DHX8: variants seen among roughly 807,000 people sequenced by gnomAD.
DHX8 encodes ATP-dependent RNA helicase DHX8.
Under a neutral mutation model 140.7 loss-of-function variants are expected in DHX8, and 67 were observed. That is an observed-to-expected ratio of 0.48 (90% CI 0.39 to 0.58). DHX8 has a LOEUF of 0.58. Among genes scored for constraint, DHX8 ranks in the 20% least tolerant of loss-of-function variants. The pLI is 0.00. For missense variants in DHX8, 887 were observed against 1,550.7 expected, an observed-to-expected ratio of 0.57 and a Z score of 7.19; for synonymous variants, 533 against 553.2, an observed-to-expected ratio of 0.96 and a Z score of 0.51.
intron 10 of DHX8, 147 bp from the exon 11 acceptor site, chr17:43,499,807 ACG>A: frequency 1.2e-6 from 1 of 846,022 alleles, no homozygotes; most frequent in Non-Finnish European, 1.9e-6. Context: ...TGAATATGCT[ACG>A]GTTTATCCAT....
chr17:43,520,964 CTTTTTTTT>C (rs10672223), intron 20 of DHX8, 85 bp downstream of exon 20: 25 of 398,976 alleles, frequency 6.3e-5, no homozygotes, highest in African/African-American at 5.3e-4. Context: ...TTGATGTGGA[CTTTTTTTT>C]TTTTTTTTTT....
chr17:43,526,357 T>C (rs1414178003), downstream of DHX8: 90 of 1,469,136 alleles, frequency 6.1e-5, no homozygotes, highest in Non-Finnish European at 7.3e-5. Flanking sequence ...TCTGCACACA[T>C]GCTGAGTGTG....
chr17:43,530,098 C>T (rs1256985627), downstream of DHX8: 1 of 1,600,046 alleles, frequency 6.2e-7, no homozygotes, highest in South Asian at 1.1e-5. Context: ...GGAAGGGGGG[C>T]TGCCTTACCC....
At chr17:43,532,654 G>A in intron 2 of DHX8, 1 of 1,602,252 alleles carries the variant, frequency 6.2e-7, no homozygotes, top group African/African-American at 1.3e-5. Flanking sequence ...ATGCCACCCT[G>A]CCCCACCCCA....
intron 3 of DHX8, among the ~76,000 whole-genome samples, chr17:43,541,229 A>G (rs1971503646): frequency 6.6e-6 from 1 of 152,230 alleles, no homozygotes; most frequent in African/African-American, 2.4e-5. Context: ...TCAGTCATCC[A>G]GAGACTGTCA....
intron 16 of DHX8, among the ~76,000 whole-genome samples, chr17:43,511,817 C>T (rs1314645353): frequency 7.4e-6 from 1 of 134,548 alleles, no homozygotes; most frequent in Non-Finnish European, 1.5e-5. Flanking sequence ...AGTTCAAGAT[C>T]AGCCTGGGCA....
At chr17:43,505,805 T>C (rs888521249) in intron 12 of DHX8, among the ~76,000 whole-genome samples, 6 of 152,098 alleles carry the variant, frequency 3.9e-5, no homozygotes, top group African/African-American at 1.4e-4. Context: ...CCACCGAGTC[T>C]TCCTTGAGGT....
chr17:43,494,339 C>T (rs189318015), intron 8 of DHX8, among the ~76,000 whole-genome samples: 9 of 152,214 alleles, frequency 5.9e-5, no homozygotes, highest in South Asian at 2.1e-4. Flanking sequence ...ACTTATTAGC[C>T]GTGTAATCCT....
intron 3 of DHX8, 85 bp from the exon 4 acceptor site, chr17:43,491,080 A>T: frequency 1.9e-6 from 1 of 536,270 alleles, no homozygotes. Flanking sequence ...ATACAAATCT[A>T]TTGTTGAAGT....
Position 43,517,204 on chromosome 17 carries a change from C to G in DHX8, c.2681C>G (p.Thr894Arg). The change falls in exon 18 of 23, where the codon ACA becomes AGA. Residue 894 changes from threonine to arginine, a missense_variant. Thr to Arg is a moderately conservative substitution (Grantham distance 71, BLOSUM62 -1). Coordinates refer to ENST00000262415, the MANE Select transcript of DHX8 (RefSeq NM_004941.3). ...CAACGAGCTGGCAGAGCTGGGAGAACAGGCCCAGGGAAGTGTTACAGGTTG... is the reference window on the plus strand; with the variant it reads ...CAACGAGCTGGCAGAGCTGGGAGAAGAGGCCCAGGGAAGTGTTACAGGTTG... ...AKQRAGRAGR[T>R]GPGKCYRLYT... is the part of the protein sequence containing the mutation. 6.2e-7 allele frequency: 1 copy of G among 1,613,840 alleles called. No homozygotes were observed. The highest frequency in any genetic ancestry group is 2.2e-5 in the East Asian group (1 of 44,846).
rs1970343968 is a variant in DHX8 at position 43,520,944 on chromosome 17, A to G, written c.3066+65A>G. ...AAGTTGGGGTAGTTGGCCTGTTGCC[A>G]TTCCAATGCTTGATGTGGACTTTTT... On this transcript the variant is annotated intron_variant, in intron 20 of 22. Transcript: ENST00000262415. The G allele has an allele frequency of 1.7e-5, 20 of 1,200,816 alleles. 1 individual carries two copies. In the South Asian group the frequency reaches 2.1e-4, roughly 13 times the overall value. The allele number at this position is 1,200,816 out of a possible 1,614,324, so 74.4% of individuals were successfully genotyped here.
intron 8 of DHX8, among the ~76,000 whole-genome samples, chr17:43,494,826 A>ATTT (rs1968760231): frequency 8.8e-6 from 1 of 113,442 alleles, no homozygotes. Context: ...TTTTTTTTTT[A>ATTT]ATTGAGACGG....
intron 11 of DHX8, among the ~76,000 whole-genome samples, chr17:43,500,474 G>A (rs1969122878): frequency 2.0e-5 from 3 of 151,414 alleles, no homozygotes; most frequent in Admixed American, 6.6e-5. Context: ...GTGATAGAAT[G>A]ACACTCCATC....
Position 43,536,117 on chromosome 17 carries a change from A to AAAACAAAC in DHX8, c.351-276_351-269dup, listed in dbSNP as rs113078365. ...CAGAGCAAGACTCTGTCTTGGGGGGAAAACAAACAAACAAACAAACAAACA... is the reference window on the plus strand; with the variant it reads ...CAGAGCAAGACTCTGTCTTGGGGGGAAAACAAACAAACAAACAAACAAACAAACAAACA... On this transcript the variant is annotated intron_variant, in intron 2 of 3. Transcript: ENST00000589898. Among the ~76,000 whole-genome samples the AAAACAAAC allele has an allele frequency of 7.0e-4, 106 of 151,728 alleles. 1 individual carries two copies. The highest frequency in any genetic ancestry group is 2.4e-3 in the African/African-American group (98 of 41,412).
At chr17:43,510,191 G>C (rs1013432153) in intron 16 of DHX8, among the ~76,000 whole-genome samples, 8 of 152,142 alleles carry the variant, frequency 5.3e-5, no homozygotes, top group Admixed American at 6.5e-5. Context: ...TGTGATTACA[G>C]GCATGTGCCA....
chr17:43,491,152 T>C lies in DHX8; in HGVS notation c.308-13T>C. 2 of 1,459,068 alleles carry C rather than the reference T, an allele frequency of 1.4e-6. No individual in the cohort carries two copies. Among genetic ancestry groups the C allele is most frequent in the Non-Finnish European group, 1.8e-6 (2 of 1,085,620 alleles). The allele number at this position is 1,459,068 out of a possible 1,614,324, so 90.4% of individuals were successfully genotyped here. A position where few individuals can be genotyped will look rare whatever the true frequency, so the allele number is the denominator to read the frequency against. ...TCTTTTTTTAACCCCTTCATGCTCTTTAATGAAACAAGATCCAGTTGTTAA... is the reference window on the plus strand; with the variant it reads ...TCTTTTTTTAACCCCTTCATGCTCTCTAATGAAACAAGATCCAGTTGTTAA... On this transcript the variant is annotated splice_polypyrimidine_tract_variant and intron_variant, in intron 3 of 22. Coordinates refer to ENST00000262415, the MANE Select transcript of DHX8 (RefSeq NM_004941.3).
intron 1 of DHX8, among the ~76,000 whole-genome samples, chr17:43,488,240 T>G (rs1567672888): frequency 6.6e-6 from 1 of 150,538 alleles, no homozygotes; most frequent in Non-Finnish European, 1.5e-5. Flanking sequence ...ATCCCGCCAC[T>G]GCACTCCAGC....
chr17:43,511,456 A>ATTTTTTGTTTTTTTTTTTTTT (rs1969823099), intron 16 of DHX8, among the ~76,000 whole-genome samples: 1 of 56,790 alleles, frequency 1.8e-5, no homozygotes, highest in Non-Finnish European at 2.9e-5. Flanking sequence ...TGATCCCAGC[A>ATTTTTTGTTTTTTTTTTTTTT]TTTTTTTTTT....
At chr17:43,506,322 CAA>C (rs202188668) in intron 12 of DHX8, among the ~76,000 whole-genome samples, 1,762 of 146,738 alleles carry the variant, frequency 0.012, 34 homozygotes, top group African/African-American at 0.039. Context: ...AACAAACAAA[CAA>C]AAAAAATTGC....
Sources: allele counts gnomAD v4.1 joint callset (sites outside exome capture counted in the v4.1 genomes callset), GRCh38; gene constraint gnomAD v4.1.1; transcripts MANE v1.5; gene names NCBI Gene and HGNC (gene_info 2026-07-23, HGNC 2026-07-21).